Variants in MAP3K7CL observed in about 807,000 individuals in gnomAD.
The protein encoded by MAP3K7CL is MAP3K7 C-terminal-like protein.
A neutral mutation model predicts 18.6 loss-of-function variants in MAP3K7CL; 16 were observed. That is an observed-to-expected ratio of 0.86 (90% CI 0.58 to 1.31). MAP3K7CL has a LOEUF of 1.31. Among genes scored for constraint, MAP3K7CL ranks in the 50% most tolerant of loss-of-function variants. MAP3K7CL has a pLI of 0.00. For synonymous variants in MAP3K7CL, 65 were observed against 66.8 expected (o/e 0.97, Z 0.13); for missense variants, 163 against 174.4 (o/e 0.93, Z 0.37).
chr21:29,172,382 G>A (rs2087861386), intron 4 of MAP3K7CL, among the ~76,000 whole-genome samples: 1 of 151,676 alleles, frequency 6.6e-6, no homozygotes, highest in Non-Finnish European at 1.5e-5. Context: ...ATTTTTGGCA[G>A]GAATACCACA....
chr21:29,104,491 T>A (rs6516890), intron 4 of MAP3K7CL, among the ~76,000 whole-genome samples: 77,753 of 152,032 alleles, frequency 0.51, 20,071 homozygotes, highest in South Asian at 0.59. Flanking sequence ...ATCCCCCACG[T>A]GGAGGCAAGC....
chr21:29,087,594 T>TC (rs1036874600), intron 1 of MAP3K7CL, among the ~76,000 whole-genome samples: 16 of 143,836 alleles, frequency 1.1e-4, no homozygotes, highest in Admixed American at 2.8e-4. Flanking sequence ...TTTTTCTTTT[T>TC]TTTTTTTTTT....
At chr21:29,125,131 C>A (rs1047946887) in intron 4 of MAP3K7CL, among the ~76,000 whole-genome samples, 1 of 152,186 alleles carries the variant, frequency 6.6e-6, no homozygotes, top group Non-Finnish European at 1.5e-5. Context: ...AAAATGATTT[C>A]TATTTACATA....
At chr21:29,167,675 T>C (rs2087722607) in intron 4 of MAP3K7CL, among the ~76,000 whole-genome samples, 1 of 148,762 alleles carries the variant, frequency 6.7e-6, no homozygotes, top group Non-Finnish European at 1.5e-5. Flanking sequence ...TGTACCAAGA[T>C]CAACCAGAGA....
At chr21:29,077,935 G>A (rs2085776082) in intron 1 of MAP3K7CL, among the ~76,000 whole-genome samples, 1 of 152,184 alleles carries the variant, frequency 6.6e-6, no homozygotes, top group Admixed American at 6.5e-5. Flanking sequence ...GGGGGTTGGG[G>A]ATGTCTGAGC....
At chr21:29,164,507 C>T (rs1389870393) in intron 4 of MAP3K7CL, among the ~76,000 whole-genome samples, 2 of 152,218 alleles carry the variant, frequency 1.3e-5, no homozygotes, top group South Asian at 2.1e-4. Context: ...GTTTGAACTC[C>T]AAACTGAACT....
chr21:29,096,367 G>C (rs760041986), intron 4 of MAP3K7CL, among the ~76,000 whole-genome samples: 2 of 152,146 alleles, frequency 1.3e-5, no homozygotes, highest in African/African-American at 2.4e-5. Context: ...GTGGTAAAGA[G>C]AAACATCAAA....
chr21:29,092,436 T>G lies in MAP3K7CL; in HGVS notation c.228-3T>G, dbSNP rs778112058. On this transcript the variant is annotated splice_polypyrimidine_tract_variant and splice_region_variant and intron_variant, in intron 3 of 6. Coordinates refer to the MAP3K7CL transcript ENST00000286791. ...CTTTGATTTGGCCTTGATCTTTATT[T>G]AGTATTTCAGTTTTATGCTCTGCAA... 2.5e-6 allele frequency: 4 copies of G among 1,614,002 alleles called. No individual in the cohort carries two copies. The South Asian group carries it at 4.4e-5, about 18-fold the overall frequency.
chr21:29,158,873 G>T (rs1271531299), intron 3 of MAP3K7CL, among the ~76,000 whole-genome samples: 1 of 148,954 alleles, frequency 6.7e-6, no homozygotes, highest in Admixed American at 6.7e-5. Context: ...ATTGAAAAGG[G>T]TGATTTAAAA....
rs1193043438 is a variant in MAP3K7CL at position 29,164,098 on chromosome 21, T to TA, written c.248+4054dup. Among the ~76,000 whole-genome samples the TA allele has an allele frequency of 4.0e-3, 552 of 139,480 alleles. 1 individual carries two copies. Among genetic ancestry groups the TA allele is most frequent in the African/African-American group, 0.011 (440 of 38,370 alleles). 91.5% of individuals were successfully genotyped at this position (139,480 alleles called of 152,430 possible). A position where few individuals can be genotyped will look rare whatever the true frequency, so the allele number is the denominator to read the frequency against. On this transcript the variant is annotated intron_variant, in intron 4 of 4. Transcript: ENST00000399928. ...CCGGGTGACAGTGCGAGACTCCATT[T>TA]AAAAAAAAAAAACAAACTGCTAGGA...
chr21:29,115,333 C>T (rs1481734639), intron 4 of MAP3K7CL, among the ~76,000 whole-genome samples: 2 of 152,160 alleles, frequency 1.3e-5, no homozygotes, highest in Non-Finnish European at 2.9e-5. Flanking sequence ...TCAGATTTGG[C>T]TTGTTTGTGT....
At chr21:29,113,934 T>A (rs2086462885) in intron 4 of MAP3K7CL, among the ~76,000 whole-genome samples, 1 of 152,174 alleles carries the variant, frequency 6.6e-6, no homozygotes, top group Non-Finnish European at 1.5e-5. Flanking sequence ...AGGAGTGTGC[T>A]TGGTTTAGAA....
At chr21:29,136,095 AAG>A (rs1030863143) in intron 2 of MAP3K7CL, among the ~76,000 whole-genome samples, 20 of 152,184 alleles carry the variant, frequency 1.3e-4, no homozygotes, top group Non-Finnish European at 2.9e-4. Flanking sequence ...TAAGAAGAAA[AAG>A]AAAACCTCCT....
chr21:29,131,072 T>G (rs1048665289), intron 1 of MAP3K7CL, 149 bp downstream of exon 1: 1 of 251,942 alleles, frequency 4.0e-6, no homozygotes, highest in African/African-American at 2.3e-5. Flanking sequence ...TAGGGGCATT[T>G]GTGGTCAACA....
At chr21:29,083,852 A>ATGTG (rs3054216), upstream of MAP3K7CL, among the ~76,000 whole-genome samples, 7 of 149,800 alleles carry the variant, frequency 4.7e-5, no homozygotes, top group East Asian at 7.8e-4. Flanking sequence ...GTGTGTATAT[A>ATGTG]TGTGTGTGTG....
upstream of MAP3K7CL, chr21:29,130,613 T>G (rs1408742517): frequency 1.0e-6 from 1 of 985,358 alleles, no homozygotes; most frequent in African/African-American, 1.7e-5. Flanking sequence ...GGAGGAGGGT[T>G]TTCTTTTGCT....
intron 2 of MAP3K7CL, among the ~76,000 whole-genome samples, chr21:29,146,164 A>G (rs2087124740): frequency 6.6e-6 from 1 of 152,056 alleles, no homozygotes; most frequent in Admixed American, 6.5e-5. Context: ...TGTCTTCTAG[A>G]ATTCTAGAAT....
upstream of MAP3K7CL, chr21:29,127,602 G>A (rs1423822183): frequency 2.0e-5 from 3 of 149,028 alleles, no homozygotes; most frequent in Non-Finnish European, 4.5e-5. Context: ...TTCAGAAAGA[G>A]AACATTTAGA....
chr21:29,105,972 T>C (rs1435020849), intron 4 of MAP3K7CL, among the ~76,000 whole-genome samples: 1 of 152,204 alleles, frequency 6.6e-6, no homozygotes, highest in Non-Finnish European at 1.5e-5. Context: ...AGGTCTTGCA[T>C]GGTTCCTGGC....
Sources: allele counts gnomAD v4.1 joint callset (sites outside exome capture counted in the v4.1 genomes callset), GRCh38; gene constraint gnomAD v4.1.1; transcripts MANE v1.5; gene names NCBI Gene and HGNC (gene_info 2026-07-23, HGNC 2026-07-21).